The following TAFA2 variants were observed in gnomAD, a reference collection of about 807,000 sequenced individuals.
TAFA2 encodes the protein TAFA chemokine like family member 2.
A neutral mutation model predicts 18.8 loss-of-function variants in TAFA2; 7 were observed. The observed-to-expected ratio is 0.37, with a 90% CI of 0.21 to 0.70. The LOEUF is 0.70. Among genes scored for constraint, TAFA2 ranks in the 30% least tolerant of loss-of-function variants. The pLI is 0.53. For synonymous variants in TAFA2, 60 were observed against 54.2 expected, an observed-to-expected ratio of 1.11 and a Z score of -0.47; for missense variants, 122 against 158.1, an observed-to-expected ratio of 0.77 and a Z score of 1.23.
At chr12:62,053,453 T>G (rs1188989751) in intron 1 of TAFA2, among the ~76,000 whole-genome samples, 1 of 152,202 alleles carries the variant, frequency 6.6e-6, no homozygotes, top group Non-Finnish European at 1.5e-5. Context: ...TGTAAAATTG[T>G]TATATGAATA....
intron 1 of TAFA2, among the ~76,000 whole-genome samples, chr12:61,888,440 C>T (rs575663022): frequency 6.6e-6 from 1 of 152,202 alleles, no homozygotes; most frequent in East Asian, 1.9e-4. Context: ...TTAACTGTAC[C>T]TTAAAGAAGA....
intron 1 of TAFA2, among the ~76,000 whole-genome samples, chr12:61,959,186 T>C (rs957496400): frequency 5.9e-5 from 9 of 152,058 alleles, no homozygotes; most frequent in African/African-American, 2.2e-4. Flanking sequence ...CCATGTAAAC[T>C]ATAATTTCAC....
At chr12:62,063,350 ATATC>A (rs2136791284) in intron 1 of TAFA2, among the ~76,000 whole-genome samples, 1 of 152,360 alleles carries the variant, frequency 6.6e-6, no homozygotes, top group South Asian at 2.1e-4. Context: ...ATTGGGCTAT[ATATC>A]TATCTACTCA....
chr12:62,257,851 T>G (rs1021242048), intron 1 of TAFA2, among the ~76,000 whole-genome samples: 2 of 152,206 alleles, frequency 1.3e-5, no homozygotes, highest in African/African-American at 4.8e-5. Flanking sequence ...AATTATTCAG[T>G]AGGGATGTGG....
rs566893437 is a variant in TAFA2, at chr12:62,228,244, C to T, written c.-130+30519G>A. 1.2e-3 allele frequency among the ~76,000 whole-genome samples: 187 copies of T among 152,142 alleles called. 1 individual carries two copies. Among genetic ancestry groups the T allele is most frequent in the African/African-American group, 4.2e-3 (175 of 41,508 alleles). On this transcript the variant is annotated intron_variant, in intron 1 of 5. Transcript: ENST00000551619. Reference sequence around the variant, plus strand: ...GTTTCCATCTATGTGTCCATGTGTACGGAATGTTTAGCTCCCACTTATAAG... The same window carrying T: ...GTTTCCATCTATGTGTCCATGTGTATGGAATGTTTAGCTCCCACTTATAAG...
At chr12:61,919,683 C>T (rs183484884) in intron 1 of TAFA2, among the ~76,000 whole-genome samples, 15 of 151,090 alleles carry the variant, frequency 9.9e-5, no homozygotes, top group Admixed American at 3.3e-4. Flanking sequence ...ATATTATATA[C>T]GTTTATTTTA....
intron 2 of TAFA2, among the ~76,000 whole-genome samples, chr12:61,780,958 T>G (rs766049748): frequency 7.9e-5 from 12 of 151,712 alleles, no homozygotes; most frequent in Non-Finnish European, 1.5e-4. Flanking sequence ...TAAATCAAAT[T>G]TGCTCGAGTC....
chr12:62,021,992 C>T, intron 1 of TAFA2: 1 of 676,132 alleles, frequency 1.5e-6, no homozygotes, highest in Non-Finnish European at 2.8e-6. Flanking sequence ...CGCAGAGACT[C>T]TGCCTGGGCA....
intron 2 of TAFA2, among the ~76,000 whole-genome samples, chr12:61,851,160 A>C (rs1370866434): frequency 6.6e-6 from 1 of 152,216 alleles, no homozygotes; most frequent in Non-Finnish European, 1.5e-5. Flanking sequence ...AATTATACAA[A>C]TATTCAATTA....
intron 1 of TAFA2, among the ~76,000 whole-genome samples, chr12:61,928,779 T>C (rs1172177614): frequency 6.6e-6 from 1 of 152,024 alleles, no homozygotes; most frequent in Non-Finnish European, 1.5e-5. Flanking sequence ...TGGCCATCAA[T>C]GATAGACTGG....
chr12:61,974,727 A>C (rs892909405), intron 1 of TAFA2, among the ~76,000 whole-genome samples: 3 of 151,776 alleles, frequency 2.0e-5, no homozygotes, highest in African/African-American at 7.3e-5. Context: ...ACTCTCAGGG[A>C]CACTACTATT....
chr12:62,052,687 C>T (rs562473925), intron 1 of TAFA2, among the ~76,000 whole-genome samples: 3 of 152,262 alleles, frequency 2.0e-5, no homozygotes, highest in African/African-American at 7.2e-5. Context: ...ATGAAAGCTG[C>T]TCTACCTAAA....
At chr12:62,145,378 G>A (rs554152293) in intron 1 of TAFA2, among the ~76,000 whole-genome samples, 47 of 152,338 alleles carry the variant, frequency 3.1e-4, no homozygotes, top group South Asian at 1.0e-3. Flanking sequence ...TCCGGGATGC[G>A]TGCTCCTTAT....
At chr12:61,870,254 G>C (rs1874542162) in intron 1 of TAFA2, among the ~76,000 whole-genome samples, 1 of 152,134 alleles carries the variant, frequency 6.6e-6, no homozygotes, top group Non-Finnish European at 1.5e-5. Flanking sequence ...ATGTATATTT[G>C]TATACCTATT....
At chr12:62,104,982 A>C (rs1316779247) in intron 1 of TAFA2, 4 of 194,340 alleles carry the variant, frequency 2.1e-5, no homozygotes, top group Non-Finnish European at 3.3e-5. Context: ...ATTTACATAC[A>C]TTTCAAAGAG....
intron 1 of TAFA2, among the ~76,000 whole-genome samples, chr12:61,929,507 A>G (rs1004319774): frequency 8.5e-5 from 13 of 152,302 alleles, no homozygotes; most frequent in African/African-American, 3.1e-4. Flanking sequence ...AGGAAACAAC[A>G]GGTGCTGGAG....
At chr12:61,930,500 A>G (rs1269747761) in intron 1 of TAFA2, among the ~76,000 whole-genome samples, 2 of 152,162 alleles carry the variant, frequency 1.3e-5, no homozygotes, top group Non-Finnish European at 1.5e-5. Flanking sequence ...AGTAAACACT[A>G]TTTTTCACTT....
At chr12:62,028,479 T>G (rs1217617895) in intron 1 of TAFA2, among the ~76,000 whole-genome samples, 2 of 152,170 alleles carry the variant, frequency 1.3e-5, no homozygotes, top group African/African-American at 4.8e-5. Context: ...TATGAAACAA[T>G]TCTCAACTCT....
intron 1 of TAFA2, among the ~76,000 whole-genome samples, chr12:62,144,241 C>A (rs2062262962): frequency 6.6e-6 from 1 of 151,978 alleles, no homozygotes; most frequent in Non-Finnish European, 1.5e-5. Flanking sequence ...TGTTAGGCAA[C>A]CTCCTGTAAG....
Sources: gnomAD v4.1 joint callset for allele counts (sites outside exome capture counted in the v4.1 genomes callset) on GRCh38, gnomAD v4.1.1 for gene constraint, MANE v1.5 for transcripts, NCBI Gene and HGNC (gene_info 2026-07-23, HGNC 2026-07-21) for gene names.